The following SOBP variants were observed in gnomAD, a reference collection of about 807,000 sequenced individuals.
The protein encoded by SOBP is sine oculis-binding protein homolog.
A neutral mutation model predicts 53.6 loss-of-function variants in SOBP; 4 were observed. The ratio of observed to expected loss-of-function variants is 0.07; its 90% CI spans 0.04 to 0.17. The LOEUF (loss-of-function observed/expected upper bound fraction) is 0.17. SOBP is among the 10% of genes least tolerant of loss of function. The pLI is 1.00. For missense variants in SOBP, 1,088 were observed against 1,204.7 expected, an observed-to-expected ratio of 0.90 and a Z score of 1.43; for synonymous variants, 584 against 522.6, an observed-to-expected ratio of 1.12 and a Z score of -1.60.
At chr6:107,631,493 C>G (rs1583291023) in intron 5 of SOBP, among the ~76,000 whole-genome samples, 1 of 152,276 alleles carries the variant, frequency 6.6e-6, no homozygotes, top group East Asian at 1.9e-4. Context: ...GTTTCTAATA[C>G]TTGTTTACTT....
intron 4 of SOBP, among the ~76,000 whole-genome samples, chr6:107,556,638 C>G (rs1784618547): frequency 6.6e-6 from 1 of 152,196 alleles, no homozygotes; most frequent in Non-Finnish European, 1.5e-5. Context: ...TAATGCGTGC[C>G]TAACAAAGCA....
intron 3 of SOBP, among the ~76,000 whole-genome samples, chr6:107,508,596 AG>A (rs901091060): frequency 4.6e-5 from 7 of 152,004 alleles, no homozygotes; most frequent in African/African-American, 1.7e-4. Flanking sequence ...GAAAAAAAAA[AG>A]TCCTTTCATA....
At chr6:107,616,462 C>CTCT (rs2115111294) in intron 5 of SOBP, among the ~76,000 whole-genome samples, 1 of 152,336 alleles carries the variant, frequency 6.6e-6, no homozygotes, top group East Asian at 1.9e-4. Flanking sequence ...TTGGGACTTT[C>CTCT]AGTACATCTA....
intron 5 of SOBP, among the ~76,000 whole-genome samples, chr6:107,597,405 G>A (rs1785985202): frequency 6.6e-6 from 1 of 152,000 alleles, no homozygotes; most frequent in Non-Finnish European, 1.5e-5. Flanking sequence ...GTAAGTATAT[G>A]AATTTTGAAA....
chr6:107,630,775 TC>T (rs1770682283), intron 5 of SOBP, among the ~76,000 whole-genome samples: 1 of 151,334 alleles, frequency 6.6e-6, no homozygotes, highest in Non-Finnish European at 1.5e-5. Flanking sequence ...TCTCTCTCTC[TC>T]TCTCTCTCAC....
chr6:107,653,919 G>A (rs1035875326), intron 6 of SOBP, among the ~76,000 whole-genome samples: 3 of 152,204 alleles, frequency 2.0e-5, no homozygotes, highest in African/African-American at 7.2e-5. Flanking sequence ...TATTTTGACA[G>A]TATCAACATT....
At chr6:107,591,519 A>G (rs964319874) in intron 5 of SOBP, among the ~76,000 whole-genome samples, 4 of 152,166 alleles carry the variant, frequency 2.6e-5, no homozygotes, top group South Asian at 2.1e-4. Context: ...CAGGAAGTGT[A>G]AGGGAAGGGG....
intron 6 of SOBP, among the ~76,000 whole-genome samples, chr6:107,646,592 C>T (rs940621287): frequency 4.6e-5 from 7 of 152,228 alleles, no homozygotes; most frequent in Non-Finnish European, 7.3e-5. Flanking sequence ...CAGAAAGGCT[C>T]AGGGGGCTTG....
intron 3 of SOBP, among the ~76,000 whole-genome samples, chr6:107,527,578 A>C (rs1783699893): frequency 6.6e-6 from 1 of 152,158 alleles, no homozygotes; most frequent in Non-Finnish European, 1.5e-5. Context: ...TACATATAGA[A>C]TGTGCATATT....
At chr6:107,509,668 G>A (rs1783108935) in intron 3 of SOBP, 2 of 152,054 alleles carry the variant, frequency 1.3e-5, no homozygotes, top group African/African-American at 2.4e-5. Flanking sequence ...CCAGCCACGT[G>A]GAATTCAAGC....
intron 1 of SOBP, among the ~76,000 whole-genome samples, chr6:107,496,936 T>C (rs1015900694): frequency 6.6e-6 from 1 of 152,244 alleles, no homozygotes; most frequent in Non-Finnish European, 1.5e-5. Flanking sequence ...CCACTGGGTC[T>C]GTGTTAAGAA....
chr6:107,581,171 A>G (rs973801905), intron 4 of SOBP, among the ~76,000 whole-genome samples: 3 of 152,192 alleles, frequency 2.0e-5, no homozygotes, highest in Non-Finnish European at 4.4e-5. Flanking sequence ...AATGCAATGC[A>G]ATAAATTGGT....
At chr6:107,521,109 C>G (rs896557916) in intron 3 of SOBP, among the ~76,000 whole-genome samples, 4 of 148,316 alleles carry the variant, frequency 2.7e-5, no homozygotes, top group African/African-American at 1.0e-4. Context: ...TACCAAATGT[C>G]CCCTGGGGGC....
intron 4 of SOBP, among the ~76,000 whole-genome samples, chr6:107,572,406 T>C (rs1466576994): frequency 1.3e-5 from 2 of 151,516 alleles, no homozygotes; most frequent in East Asian, 3.9e-4. Context: ...TGGGCTCAAG[T>C]GATTCTTGTG....
chr6:107,624,025 T>C (rs750326891), intron 5 of SOBP, among the ~76,000 whole-genome samples: 12 of 152,328 alleles, frequency 7.9e-5, no homozygotes, highest in Non-Finnish European at 1.5e-4. Context: ...AGTGAAAGGC[T>C]CAAGCTTGGA....
chr6:107,490,426 T>C lies in SOBP; in HGVS notation c.-191T>C. ...TTACCCGTGACAGCCACTGACGTCC[T>C]CCGCCGCTAGAAGAGACCCCGCTTC... On this transcript the variant is annotated 5_prime_UTR_variant, in exon 1 of 7. Transcript: ENST00000317357. The C allele has an allele frequency of 3.8e-6, 2 of 519,994 alleles. No individual in the cohort carries two copies. Among genetic ancestry groups the C allele is most frequent in the Non-Finnish European group, 6.9e-6 (2 of 289,366 alleles). The allele number at this position is 519,994 out of a possible 1,614,324, so 32.2% of individuals were successfully genotyped here.
intron 4 of SOBP, among the ~76,000 whole-genome samples, chr6:107,564,801 T>G (rs1465919907): frequency 2.6e-5 from 4 of 152,222 alleles, no homozygotes; most frequent in Non-Finnish European, 5.9e-5. Context: ...GAGCCAAAAT[T>G]TAAGGCAACT....
chr6:107,539,838 A>G (rs570397367), intron 4 of SOBP, among the ~76,000 whole-genome samples: 2 of 152,320 alleles, frequency 1.3e-5, no homozygotes, highest in South Asian at 4.1e-4. Context: ...CGTTTAAAGA[A>G]TTATCTTACA....
At chr6:107,644,489 C>G (rs1771471413) in intron 6 of SOBP, among the ~76,000 whole-genome samples, 2 of 152,204 alleles carry the variant, frequency 1.3e-5, no homozygotes, top group Non-Finnish European at 2.9e-5. Flanking sequence ...CTGTCTTTAT[C>G]ATAGGTAGCC....
Sources: gnomAD v4.1 joint callset for allele counts (sites outside exome capture counted in the v4.1 genomes callset) on GRCh38, gnomAD v4.1.1 for gene constraint, MANE v1.5 for transcripts, NCBI Gene and HGNC (gene_info 2026-07-23, HGNC 2026-07-21) for gene names.